Variants in GNAL observed in about 807,000 individuals in gnomAD.
The protein encoded by GNAL is G protein subunit alpha L, also known as guanine nucleotide-binding protein G(olf) subunit alpha.
A neutral mutation model predicts 55.1 loss-of-function variants in GNAL; 18 were observed. The ratio of observed to expected loss-of-function variants is 0.33; its 90% CI spans 0.23 to 0.48. The LOEUF is 0.48. Ranked by LOEUF, GNAL falls within the 20% of genes least tolerant of loss-of-function variation. The pLI is 0.99. For missense variants in GNAL, 412 were observed against 614.1 expected (o/e 0.67, Z 3.48); for synonymous variants, 253 against 237.0 (o/e 1.07, Z -0.62).
chr18:11,803,545 A>T (rs1205524127), intron 4 of GNAL, among the ~76,000 whole-genome samples: 1 of 152,184 alleles, frequency 6.6e-6, no homozygotes, highest in Non-Finnish European at 1.5e-5. Flanking sequence ...CTTTATTATT[A>T]TTTGTGTATA....
At chr18:11,872,778 T>G (rs2036426209) in intron 10 of GNAL, among the ~76,000 whole-genome samples, 1 of 152,180 alleles carries the variant, frequency 6.6e-6, no homozygotes. Flanking sequence ...CATGGTAGTT[T>G]CTATTATTTT....
rs1401950913 is a variant in GNAL at position 11,883,442 on chromosome 18, C to CTGT, written c.*2309_*2311dup. On this transcript the variant is annotated 3_prime_UTR_variant, in exon 12 of 12. Transcript: ENST00000334049. ...GAGTTTAATTCAAACAACAGCCAGA[C>CTGT]TGTTAAGAAAAAAAACAAAAAGAAT... The CTGT allele has an allele frequency of 1.3e-5, 2 of 150,582 alleles. No homozygotes were observed. The highest frequency in any genetic ancestry group is 2.6e-5 in the African/African-American group (1 of 38,970). The allele number at this position is 150,582 out of a possible 1,614,324, so 9.3% of individuals were successfully genotyped here.
chr18:11,696,034 G>T (rs1400739819), intron 1 of GNAL, among the ~76,000 whole-genome samples: 1 of 152,118 alleles, frequency 6.6e-6, no homozygotes, highest in East Asian at 1.9e-4. Context: ...CTTAATGAAG[G>T]CAGAAGTGAC....
At chr18:11,827,926 G>T (rs1057357036) in intron 5 of GNAL, among the ~76,000 whole-genome samples, 5 of 150,266 alleles carry the variant, frequency 3.3e-5, no homozygotes, top group African/African-American at 1.2e-4. Context: ...AGCCGAGATC[G>T]CGCCACTGCA....
Position 11,868,454 on chromosome 18 carries a change from G to A in GNAL, c.911-89G>A, listed in dbSNP as rs2036316382. 2 of 1,089,766 alleles carry A rather than the reference G, an allele frequency of 1.8e-6. No individual in the cohort carries two copies. The highest frequency in any genetic ancestry group is 2.7e-6 in the Non-Finnish European group (2 of 749,922). The allele number at this position is 1,089,766 out of a possible 1,614,324, so 67.5% of individuals were successfully genotyped here. ...CCTATCACTGAATGAATGTTTTTGT[G>A]GAACTGAGTAGCTGCTGGGTGTGTA... On this transcript the variant is annotated intron_variant, in intron 8 of 11. Coordinates refer to ENST00000334049, the MANE Select transcript of GNAL (RefSeq NM_182978.4). The surrounding 1 kb of genome is among the most constrained non-coding windows in gnomAD (Gnocchi z 4.0).
intron 1 of GNAL, among the ~76,000 whole-genome samples, chr18:11,738,454 C>A (rs1380600068): frequency 6.6e-6 from 1 of 152,082 alleles, no homozygotes; most frequent in Non-Finnish European, 1.5e-5. Flanking sequence ...GAGCAGAGCC[C>A]AGCATGGCAC....
In GNAL at chr18:11,786,746, C is replaced by T. The variant is rs1367279789; in HGVS notation, c.624+32801C>T. 2.6e-5 allele frequency among the ~76,000 whole-genome samples: 4 copies of T among 151,694 alleles called. No individual in the cohort carries two copies. The East Asian group carries it at 5.8e-4, about 22-fold the overall frequency. On this transcript the variant is annotated intron_variant, in intron 4 of 11. Transcript: ENST00000334049. ...GATTACAGACGTGAGCCACCGTGCC[C>T]GGCGATCTTCACACATTTTCATTTG... is the stretch of plus-strand genomic sequence containing the variant.
chr18:11,699,719 A>G (rs2031513947), intron 1 of GNAL, among the ~76,000 whole-genome samples: 1 of 152,184 alleles, frequency 6.6e-6, no homozygotes, highest in South Asian at 2.1e-4. Flanking sequence ...CAGACAGCGC[A>G]CAGAGGACTT....
chr18:11,760,737 C>T (rs923637377), intron 4 of GNAL, among the ~76,000 whole-genome samples: 81 of 151,930 alleles, frequency 5.3e-4, no homozygotes, highest in Non-Finnish European at 8.1e-4. Context: ...TGCAGACACC[C>T]CCAGGCCTGG....
intron 1 of GNAL, among the ~76,000 whole-genome samples, chr18:11,737,180 C>T (rs571296144): frequency 1.4e-4 from 21 of 152,180 alleles, no homozygotes; most frequent in African/African-American, 2.4e-4. Flanking sequence ...CAATCACATG[C>T]GGGTAAGTGG....
chr18:11,734,010 A>C (rs189457864), intron 1 of GNAL, among the ~76,000 whole-genome samples: 1 of 152,180 alleles, frequency 6.6e-6, no homozygotes, highest in East Asian at 1.9e-4. Context: ...GCCTCACCAG[A>C]AGGGATGAAG....
intron 1 of GNAL, among the ~76,000 whole-genome samples, chr18:11,695,407 G>A (rs540219166): frequency 3.3e-5 from 5 of 152,166 alleles, no homozygotes; most frequent in African/African-American, 1.2e-4. Flanking sequence ...AGAGGCCCTG[G>A]GTCTACACCA....
At chr18:11,848,477 G>A (rs1489908092) in intron 5 of GNAL, among the ~76,000 whole-genome samples, 1 of 143,890 alleles carries the variant, frequency 6.9e-6, no homozygotes, top group Non-Finnish European at 1.5e-5. Flanking sequence ...TTTTTTTTGA[G>A]AAGGAGTCTC....
At chr18:11,788,914 A>AAAAAAAATATATATAT (rs60071996) in intron 4 of GNAL, among the ~76,000 whole-genome samples, 34 of 56,280 alleles carry the variant, frequency 6.0e-4, no homozygotes, top group African/African-American at 1.8e-3. Context: ...AAAAAAAAAA[A>AAAAAAAATATATATAT]ATATATATAT....
At chr18:11,756,057 T>A (rs2033045895) in intron 4 of GNAL, among the ~76,000 whole-genome samples, 1 of 152,224 alleles carries the variant, frequency 6.6e-6, no homozygotes, top group South Asian at 2.1e-4. Flanking sequence ...ATTCTTAACA[T>A]CTAGTGAGAA....
chr18:11,740,107 CTGT>C (rs2032544902), intron 1 of GNAL, among the ~76,000 whole-genome samples: 1 of 151,392 alleles, frequency 6.6e-6, no homozygotes, highest in Admixed American at 6.6e-5. Context: ...ATTTATCTGT[CTGT>C]TGTTGGCAGG....
At chr18:11,722,217 A>G (rs554909909) in intron 1 of GNAL, among the ~76,000 whole-genome samples, 92 of 152,348 alleles carry the variant, frequency 6.0e-4, no homozygotes, top group African/African-American at 2.1e-3. Flanking sequence ...GCAATCAAAC[A>G]TGATTTAATT....
chr18:11,739,991 G>C (rs532341577), intron 1 of GNAL, among the ~76,000 whole-genome samples: 8 of 152,206 alleles, frequency 5.3e-5, no homozygotes, highest in African/African-American at 1.7e-4. Flanking sequence ...CCCCACAGTG[G>C]TCGAAAAGGA....
At chr18:11,771,620 G>C (rs1247125581) in intron 4 of GNAL, among the ~76,000 whole-genome samples, 1 of 152,174 alleles carries the variant, frequency 6.6e-6, no homozygotes, top group Non-Finnish European at 1.5e-5. Flanking sequence ...AAGGTGAGGG[G>C]TGGCCTGGCC....
Sources: gnomAD v4.1 joint callset for allele counts (sites outside exome capture counted in the v4.1 genomes callset) on GRCh38, gnomAD v4.1.1 for gene constraint, Gnocchi (gnomAD v3.1) non-coding constraint, MANE v1.5 for transcripts, NCBI Gene and HGNC (gene_info 2026-07-23, HGNC 2026-07-21) for gene names.